The following PPP6R3 variants were observed in gnomAD, a reference collection of about 807,000 sequenced individuals.
PPP6R3 encodes protein phosphatase 6 regulatory subunit 3, also known as serine/threonine-protein phosphatase 6 regulatory subunit 3.
PPP6R3 carries 38 observed loss-of-function variants against 110.7 expected under a neutral mutation model. The observed-to-expected ratio is 0.34, with a 90% CI of 0.26 to 0.45. The LOEUF (loss-of-function observed/expected upper bound fraction) is 0.45. Among genes scored for constraint, PPP6R3 ranks in the 20% least tolerant of loss-of-function variants. The pLI, the probability that PPP6R3 is intolerant of heterozygous loss-of-function variation, is 1.00. For missense variants in PPP6R3, 870 were observed against 1,062.4 expected, an observed-to-expected ratio of 0.82 and a Z score of 2.52; for synonymous variants, 369 against 373.5, an observed-to-expected ratio of 0.99 and a Z score of 0.14.
chr11:68,527,931 T>G (rs1033019426), intron 2 of PPP6R3, among the ~76,000 whole-genome samples: 1 of 152,188 alleles, frequency 6.6e-6, no homozygotes, highest in African/African-American at 2.4e-5. Context: ...GCAGCTCCAT[T>G]CATCACCTCC....
chr11:68,604,847 T>C (rs966030460), intron 22 of PPP6R3, among the ~76,000 whole-genome samples: 2 of 152,226 alleles, frequency 1.3e-5, no homozygotes, highest in Non-Finnish European at 2.9e-5. Context: ...TTTGCCATGT[T>C]TATCAATGTG....
intron 15 of PPP6R3, chr11:68,587,345 G>A (rs2099581941): frequency 6.4e-6 from 1 of 155,646 alleles, no homozygotes; most frequent in Non-Finnish European, 1.4e-5. Flanking sequence ...AGGTAGGTAG[G>A]GTAGAAATTA....
chr11:68,613,581 G>A lies in PPP6R3; in HGVS notation c.*464G>A, dbSNP rs1414685120. 3 of 986,008 alleles carry A rather than the reference G, an allele frequency of 3.0e-6. No homozygotes were observed. Among genetic ancestry groups the A allele is most frequent in the Non-Finnish European group, 3.6e-6 (3 of 830,130 alleles). 61.1% of individuals were successfully genotyped at this position (986,008 alleles called of 1,614,324 possible). On this transcript the variant is annotated 3_prime_UTR_variant, in exon 24 of 24. Transcript: ENST00000393800. ...ATTCATTTTTCCTCCAGGCCGACAA[G>A]GAGTTGTAGAATGAAAATGCCCTCT...
rs552713036 is a variant in PPP6R3, at chr11:68,503,519, AAAC to A, written c.-157-15978_-157-15976del. ...GGAGACTGAGAAATGGCCAGTGAGA[AAAC>A]AACGAGTGTGTGACATCAGAGAAGC... On this transcript the variant is annotated intron_variant, in intron 1 of 23. Transcript: ENST00000393800. Among the ~76,000 whole-genome samples, 4 of 152,330 alleles carry A rather than the reference AAAC, an allele frequency of 2.6e-5. No individual in the cohort carries two copies. In the East Asian group the frequency reaches 5.8e-4, roughly 22 times the overall value.
At chr11:68,572,675 T>C (rs1334328545) in intron 12 of PPP6R3, among the ~76,000 whole-genome samples, 1 of 151,726 alleles carries the variant, frequency 6.6e-6, no homozygotes, top group African/African-American at 2.4e-5. Flanking sequence ...CATAGGGAGA[T>C]CCTGGCTCTA....
chr11:68,540,061 A>G (rs1419003599), intron 3 of PPP6R3, among the ~76,000 whole-genome samples: 1 of 152,160 alleles, frequency 6.6e-6, no homozygotes, highest in Non-Finnish European at 1.5e-5. Flanking sequence ...GGAAGGAGGG[A>G]GGGTTGGAGT....
chr11:68,534,453 C>T (rs2153633895), intron 2 of PPP6R3, among the ~76,000 whole-genome samples: 1 of 152,290 alleles, frequency 6.6e-6, no homozygotes, highest in East Asian at 1.9e-4. Flanking sequence ...CTTCTTATTT[C>T]ATCACAACTA....
chr11:68,570,647 T>C (rs1269235552), intron 11 of PPP6R3, among the ~76,000 whole-genome samples: 1 of 152,278 alleles, frequency 6.6e-6, no homozygotes, highest in Non-Finnish European at 1.5e-5. Context: ...ATTTTAAAAG[T>C]ACAAGCATTA....
At chr11:68,474,914 T>A (rs1330457079) in intron 1 of PPP6R3, among the ~76,000 whole-genome samples, 1 of 152,190 alleles carries the variant, frequency 6.6e-6, no homozygotes, top group Non-Finnish European at 1.5e-5. Flanking sequence ...TTTTTTTATT[T>A]TTTTTATTTT....
At chr11:68,582,718 T>G (rs2099564277) in intron 14 of PPP6R3, among the ~76,000 whole-genome samples, 2 of 152,262 alleles carry the variant, frequency 1.3e-5, no homozygotes, top group South Asian at 4.1e-4. Context: ...ACCTCTGTCT[T>G]TCTTTTTGTA....
intron 14 of PPP6R3, among the ~76,000 whole-genome samples, chr11:68,580,608 G>A (rs2099549728): frequency 6.6e-6 from 1 of 152,138 alleles, no homozygotes; most frequent in Admixed American, 6.5e-5. Flanking sequence ...GAAGAAGAGT[G>A]AAGGTGGCAG....
intron 1 of PPP6R3, among the ~76,000 whole-genome samples, chr11:68,478,355 T>C (rs1330423664): frequency 1.3e-5 from 2 of 152,232 alleles, no homozygotes; most frequent in Non-Finnish European, 1.5e-5. Flanking sequence ...TTAAGAATTT[T>C]AAACCTTCCT....
intron 16 of PPP6R3, among the ~76,000 whole-genome samples, chr11:68,589,034 C>G (rs2099587643): frequency 1.3e-5 from 2 of 151,964 alleles, no homozygotes; most frequent in Admixed American, 1.3e-4. Flanking sequence ...TGGCAAAACC[C>G]TGTCTCTACT....
At position 68,600,347 on chromosome 11, in the gene PPP6R3, A is replaced by C. The variant is rs113826663; in HGVS notation, c.2045A>C (p.Asn682Thr). Residue 682 changes from asparagine (N) to threonine (T), a missense_variant, in exon 20 of 24, where the codon AAC (asparagine) becomes ACC (threonine). By Grantham distance (65) the Asn-to-Thr change is moderately conservative. Coordinates refer to ENST00000393800, the MANE Select transcript of PPP6R3 (RefSeq NM_001164161.2). ...ATTTCTCCCCTCTTTTTAGCACCCAACTGGTCAGCTAACTTTGATGTCCCA... is the reference window on the plus strand; with the variant it reads ...ATTTCTCCCCTCTTTTTAGCACCCACCTGGTCAGCTAACTTTGATGTCCCA... ...KMEVDLSEPP[N>T]WSANFDVPME... The C allele has an allele frequency of 6.2e-6, 10 of 1,613,660 alleles. No homozygotes were observed. Among genetic ancestry groups the C allele is most frequent in the African/African-American group, 5.3e-5 (4 of 74,964 alleles).
intron 3 of PPP6R3, among the ~76,000 whole-genome samples, chr11:68,542,389 GTTTTTTTTTT>G (rs34666175): frequency 2.5e-5 from 1 of 40,188 alleles, no homozygotes; most frequent in Non-Finnish European, 4.1e-5. Context: ...AGAAGCTGCT[GTTTTTTTTTT>G]TTTTTTTTTT....
intron 19 of PPP6R3, among the ~76,000 whole-genome samples, chr11:68,599,286 A>G (rs542583953): frequency 1.3e-5 from 2 of 152,370 alleles, no homozygotes; most frequent in South Asian, 2.1e-4. Flanking sequence ...AAGGAAAAGC[A>G]TGGTGTGCAG....
At position 68,614,546 on chromosome 11, in the gene PPP6R3, C is replaced by T. The variant is rs557832622; in HGVS notation, c.*1429C>T. The stretch of plus-strand genomic sequence containing the variant: ...TTTTTAGAAGTAGCATCCCAAGCAG[C>T]GTGCCTAAACATTACATTGCATATG... On this transcript the variant is annotated 3_prime_UTR_variant, in exon 24 of 24. Coordinates refer to ENST00000393800, the MANE Select transcript of PPP6R3 (RefSeq NM_001164161.2). The T allele has an allele frequency of 4.0e-5, 58 of 1,465,080 alleles. No individual in the cohort carries two copies. Among genetic ancestry groups the T allele is most frequent in the Middle Eastern group, 2.5e-4 (1 of 4,072 alleles). 90.8% of individuals were successfully genotyped at this position (1,465,080 alleles called of 1,614,324 possible). A position where few individuals can be genotyped will look rare whatever the true frequency, so the allele number is the denominator to read the frequency against.
chr11:68,495,597 T>C (rs2099010309), intron 1 of PPP6R3, among the ~76,000 whole-genome samples: 2 of 152,344 alleles, frequency 1.3e-5, no homozygotes, highest in Admixed American at 1.3e-4. Context: ...CGTGGTCCTT[T>C]TTTGGGACTA....
At chr11:68,599,932 G>C (rs1265859589) in intron 19 of PPP6R3, among the ~76,000 whole-genome samples, 1 of 152,172 alleles carries the variant, frequency 6.6e-6, no homozygotes, top group African/African-American at 2.4e-5. Context: ...GACCATCCTG[G>C]CTAACACAGT....
Sources: gnomAD v4.1 joint callset for allele counts (sites outside exome capture counted in the v4.1 genomes callset) on GRCh38, gnomAD v4.1.1 for gene constraint, MANE v1.5 for transcripts, NCBI Gene and HGNC (gene_info 2026-07-23, HGNC 2026-07-21) for gene names.